The following SLC9A5 variants were observed in gnomAD, a reference collection of about 807,000 sequenced individuals.
SLC9A5 encodes solute carrier family 9 member A5.
Under a neutral mutation model 91.7 loss-of-function variants are expected in SLC9A5, and 52 were observed. The observed-to-expected ratio is 0.57, with a 90% confidence interval of 0.45 to 0.71. SLC9A5 has a LOEUF of 0.71. SLC9A5 is among the 30% of genes least tolerant of loss of function. The pLI, the probability that SLC9A5 is intolerant of heterozygous loss-of-function variation, is 0.00. For synonymous variants in SLC9A5, 419 were observed against 474.5 expected (o/e 0.88, Z 1.52); for missense variants, 871 against 1,158.9 (o/e 0.75, Z 3.61).
intron 1 of SLC9A5, among the ~76,000 whole-genome samples, chr16:67,251,861 C>A (rs2035134378): frequency 1.3e-5 from 2 of 152,134 alleles, no homozygotes; most frequent in Admixed American, 1.3e-4. Flanking sequence ...AGCAACTTGA[C>A]TCCAAAGACC....
chr16:67,256,333 G>A lies in SLC9A5; in HGVS notation c.912-136G>A, dbSNP rs146962606. ...CCCAGCACTACCATTCAAGTCTTCA[G>A]GCCTCCCTGGGCTTCAGCTCTGAGA... On this transcript the variant is annotated intron_variant, in intron 5 of 15. Transcript: ENST00000299798. This position sits in a 1 kb window ranked among gnomAD's most constrained non-coding sequence, Gnocchi z 4.1. 9.8e-4 allele frequency: 648 copies of A among 658,750 alleles called. 2 individuals are homozygous for A. In the African/African-American group the frequency reaches 0.01, roughly 11 times the overall value. The allele number at this position is 658,750 out of a possible 1,614,324, so 40.8% of individuals were successfully genotyped here. A position where few individuals can be genotyped will look rare whatever the true frequency, so the allele number is the denominator to read the frequency against.
At chr16:67,251,264 T>C (rs1467245051) in intron 1 of SLC9A5, among the ~76,000 whole-genome samples, 1 of 151,994 alleles carries the variant, frequency 6.6e-6, no homozygotes, top group Non-Finnish European at 1.5e-5. Flanking sequence ...GAAAAGCACA[T>C]TGGGCTAGGA....
At chr16:67,266,909 CTTTTTTTTTTTT>C (rs2035730756) in intron 15 of SLC9A5, among the ~76,000 whole-genome samples, 1 of 77,924 alleles carries the variant, frequency 1.3e-5, no homozygotes, top group Non-Finnish European at 2.9e-5. Flanking sequence ...TTTTCTTTTT[CTTTTTTTTTTTT>C]GAGACAGGAT....
chr16:67,259,028 A>G (rs142116015), intron 10 of SLC9A5, among the ~76,000 whole-genome samples: 4,920 of 151,652 alleles, frequency 0.032, 134 homozygotes, highest in South Asian at 0.07. Context: ...TGGGGGGCCA[A>G]GGCGGGTGGA....
rs2035907976 is a variant in SLC9A5 at position 67,271,110 on chromosome 16, A to G, written c.2591A>G (p.Glu864Gly). The change falls in exon 16 of 16, where the codon GAG becomes GGG. Residue 864 changes from glutamate (E) to glycine (G), a missense_variant. Coordinates refer to ENST00000299798, the MANE Select transcript of SLC9A5 (RefSeq NM_004594.3). Reference protein sequence around the residue: ...ESSADLPQQQELQPLMGHKDH... With the variant: ...ESSADLPQQQGLQPLMGHKDH... ...AGCGCTGACCTCCCCCAGCAGCAGG[A>G]GCTGCAGCCCCTCATGGGCCACAAG... is the stretch of plus-strand genomic sequence containing the variant. The G allele has an allele frequency of 6.2e-7, 1 of 1,613,618 alleles. No homozygotes were observed. The highest frequency in any genetic ancestry group is 1.3e-5 in the African/African-American group (1 of 74,880).
Position 67,255,939 on chromosome 16 carries a change from TG to T in SLC9A5, c.911+14del. On this transcript the variant is annotated intron_variant, in intron 5 of 15. Transcript: ENST00000299798. The surrounding 1 kb of genome is among the most constrained non-coding windows in gnomAD (Gnocchi z 4.9). ...CTCTCCGCCATTCTTGCGTGAGTTCTGGGGGCCTTGCAGGCAGATAGCTGGG... is the reference window on the plus strand; with the variant it reads ...CTCTCCGCCATTCTTGCGTGAGTTCTGGGGCCTTGCAGGCAGATAGCTGGG... 6.2e-7 allele frequency: 1 copy of T among 1,610,924 alleles called. No individual in the cohort carries two copies. Among genetic ancestry groups the T allele is most frequent in the Non-Finnish European group, 8.5e-7 (1 of 1,178,486 alleles).
chr16:67,251,567 C>G (rs1043856191), intron 1 of SLC9A5, among the ~76,000 whole-genome samples: 1 of 151,886 alleles, frequency 6.6e-6, no homozygotes, highest in Non-Finnish European at 1.5e-5. Flanking sequence ...GCACCCGCCA[C>G]CATGCCCAGC....
At position 67,256,866 on chromosome 16, in the gene SLC9A5, T is replaced by C; in HGVS notation, c.1133-45T>C. 6.3e-7 allele frequency: 1 copy of C among 1,591,212 alleles called. No homozygotes were observed. The highest frequency in any genetic ancestry group is 1.1e-5 in the South Asian group (1 of 90,212). ...CTTGGTCCCATCCGGTCCCACGTCC[T>C]CCACTCCCAACGCTTTGCTCCCACT... On this transcript the variant is annotated intron_variant, in intron 6 of 15. Transcript: ENST00000299798. The surrounding 1 kb of genome is among the most constrained non-coding windows in gnomAD (Gnocchi z 4.1).
At position 67,255,868 on chromosome 16, in the gene SLC9A5, C is replaced by G. The variant is rs1318310238; in HGVS notation, c.849C>G (p.Val283=). The change falls in exon 5 of 16, where the codon GTC becomes GTG. Residue 283 remains valine (V), a synonymous_variant. Coordinates refer to ENST00000299798, the MANE Select transcript of SLC9A5 (RefSeq NM_004594.3). This position sits in a 1 kb window ranked among gnomAD's most constrained non-coding sequence, Gnocchi z 4.9. ...KRVRIIEPLL[V]FLLAYAAYLT... is the part of the protein sequence containing the mutation. Reference sequence around the variant, plus strand: ...TCCGCATCATCGAGCCGCTGCTGGTCTTCCTCCTCGCCTACGCAGCCTACC... The same window carrying G: ...TCCGCATCATCGAGCCGCTGCTGGTGTTCCTCCTCGCCTACGCAGCCTACC... 3.1e-6 allele frequency: 5 copies of G among 1,613,554 alleles called. No individual in the cohort carries two copies. Among genetic ancestry groups the G allele is most frequent in the Admixed American group, 1.7e-5 (1 of 59,956 alleles).
chr16:67,262,056 C>T (rs2035549254), intron 12 of SLC9A5: 2 of 322,852 alleles, frequency 6.2e-6, no homozygotes, highest in South Asian at 2.5e-5. Context: ...TGTGTGTATC[C>T]TGTTAAATGT....
chr16:67,267,841 A>C (rs1374395944), intron 15 of SLC9A5, among the ~76,000 whole-genome samples: 1 of 152,212 alleles, frequency 6.6e-6, no homozygotes, highest in Admixed American at 6.5e-5. Context: ...GAACTATAAA[A>C]TAAACTCCCA....
chr16:67,267,235 C>G (rs142129508), intron 15 of SLC9A5, among the ~76,000 whole-genome samples: 1 of 151,578 alleles, frequency 6.6e-6, no homozygotes, highest in Non-Finnish European at 1.5e-5. Flanking sequence ...TACAGGCATG[C>G]GCCACCACAC....
In SLC9A5 at chr16:67,270,922, A is replaced by C; in HGVS notation, c.2403A>C (p.Leu801=). 6.2e-7 allele frequency: 1 copy of C among 1,614,008 alleles called. No homozygotes were observed. The highest frequency in any genetic ancestry group is 2.2e-5 in the East Asian group (1 of 44,874). The stretch of plus-strand genomic sequence containing the variant: ...AGAGCATCTCATCCCTGGAGAGCCT[A>C]GCGTCCCCTCCCTGTAACCAGGCCC... The part of the protein sequence containing the change: ...WNQSISSLES[L]ASPPCNQAPI... Residue 801 remains leucine (L), a synonymous_variant, in exon 16 of 16, where the codon CTA becomes CTC. Transcript: ENST00000299798. The surrounding 1 kb of genome is among the most constrained non-coding windows in gnomAD (Gnocchi z 4.3).
At chr16:67,260,245 C>T (rs2035482415) in intron 12 of SLC9A5, among the ~76,000 whole-genome samples, 1 of 151,238 alleles carries the variant, frequency 6.6e-6, no homozygotes, top group Admixed American at 6.6e-5. Context: ...ATCCCAGCTA[C>T]TCGGGAGGCT....
Position 67,256,074 on chromosome 16 carries a change from G to A in SLC9A5, c.911+144G>A. ...AGTGGGAGCCTCAGACTGTCCTGGGGAGTCAGTAAACCTCAGCAATATTTC... is the reference window on the plus strand; with the variant it reads ...AGTGGGAGCCTCAGACTGTCCTGGGAAGTCAGTAAACCTCAGCAATATTTC... On this transcript the variant is annotated intron_variant, in intron 5 of 15. Transcript: ENST00000299798. This position sits in a 1 kb window ranked among gnomAD's most constrained non-coding sequence, Gnocchi z 4.1. The A allele has an allele frequency of 1.1e-6, 1 of 884,380 alleles. No individual in the cohort carries two copies. Among genetic ancestry groups the A allele is most frequent in the African/African-American group, 1.7e-5 (1 of 59,242 alleles). 54.8% of individuals were successfully genotyped at this position (884,380 alleles called of 1,614,324 possible). A position where few individuals can be genotyped will look rare whatever the true frequency, so the allele number is the denominator to read the frequency against.
chr16:67,271,862 G>A lies in SLC9A5; in HGVS notation c.*652G>A, dbSNP rs187034513. On this transcript the variant is annotated 3_prime_UTR_variant, in exon 16 of 16. Coordinates refer to ENST00000299798, the MANE Select transcript of SLC9A5 (RefSeq NM_004594.3). ...TCCTTTTCCAAGACCAAGGCCAAGAGGCTGGGCCAGGCTTCAGTTCAGGCC... is the reference window on the plus strand; with the variant it reads ...TCCTTTTCCAAGACCAAGGCCAAGAAGCTGGGCCAGGCTTCAGTTCAGGCC... 2 of 152,910 alleles carry A rather than the reference G, an allele frequency of 1.3e-5. No homozygotes were observed. The highest frequency in any genetic ancestry group is 3.9e-4 in the East Asian group (2 of 5,190). The allele number at this position is 152,910 out of a possible 1,614,324, so 9.5% of individuals were successfully genotyped here.
intron 1 of SLC9A5, among the ~76,000 whole-genome samples, chr16:67,249,796 G>A (rs2035043598): frequency 6.6e-6 from 1 of 152,004 alleles, no homozygotes; most frequent in Admixed American, 6.6e-5. Context: ...CTCACTTCAG[G>A]GTATAAGAAA....
At chr16:67,260,524 G>C (rs899272134) in intron 12 of SLC9A5, among the ~76,000 whole-genome samples, 1 of 152,154 alleles carries the variant, frequency 6.6e-6, no homozygotes, top group African/African-American at 2.4e-5. Flanking sequence ...GAGTTGAGAA[G>C]CTGGGACAGC....
At position 67,265,240 on chromosome 16, in the gene SLC9A5, T is replaced by G. The variant is rs2035661805; in HGVS notation, c.2080+134T>G. 1.1e-5 allele frequency: 8 copies of G among 759,082 alleles called. No individual in the cohort carries two copies. The South Asian group carries it at 1.3e-4, about 12-fold the overall frequency. 47.0% of individuals were successfully genotyped at this position (759,082 alleles called of 1,614,324 possible). ...ACCTGGGGCTCTTCCTCCAGGGACTTGATTTCCAAGTTGGAAATGTTCAAA... is the reference window on the plus strand; with the variant it reads ...ACCTGGGGCTCTTCCTCCAGGGACTGGATTTCCAAGTTGGAAATGTTCAAA... On this transcript the variant is annotated intron_variant, in intron 14 of 15. Coordinates refer to ENST00000299798, the MANE Select transcript of SLC9A5 (RefSeq NM_004594.3).
Sources: gnomAD v4.1 joint callset for allele counts (sites outside exome capture counted in the v4.1 genomes callset) on GRCh38, gnomAD v4.1.1 for gene constraint, Gnocchi (gnomAD v3.1) non-coding constraint, MANE v1.5 for transcripts, NCBI Gene and HGNC (gene_info 2026-07-23, HGNC 2026-07-21) for gene names.